The following PAG1 variants were observed in gnomAD, a reference collection of about 807,000 sequenced individuals.
The protein encoded by PAG1 is phosphoprotein membrane anchor with glycosphingolipid microdomains 1.
Under a neutral mutation model 31.7 loss-of-function variants are expected in PAG1, and 23 were observed. The ratio of observed to expected loss-of-function variants is 0.73; its 90% CI spans 0.52 to 1.03. The LOEUF is 1.03. PAG1 is among the 50% of genes least tolerant of loss of function. PAG1 has a pLI of 0.00. For missense variants in PAG1, 473 were observed against 540.7 expected (o/e 0.87, Z 1.24); for synonymous variants, 214 against 210.3 (o/e 1.02, Z -0.15).
intron 2 of PAG1, among the ~76,000 whole-genome samples, chr8:81,055,408 T>C (rs1194961686): frequency 6.6e-6 from 1 of 152,186 alleles, no homozygotes; most frequent in Admixed American, 6.5e-5. Context: ...TCATTTTTTT[T>C]TGAAAAATTA....
At chr8:81,070,914 T>A (rs572899921) in intron 1 of PAG1, among the ~76,000 whole-genome samples, 1 of 152,128 alleles carries the variant, frequency 6.6e-6, no homozygotes, top group Non-Finnish European at 1.5e-5. Flanking sequence ...ATATGCTAAG[T>A]GGAAGTAAAA....
intron 2 of PAG1, among the ~76,000 whole-genome samples, chr8:81,067,931 T>C (rs994914216): frequency 3.3e-5 from 5 of 152,196 alleles, no homozygotes; most frequent in African/African-American, 1.2e-4. Context: ...CTGTGTTCTC[T>C]TTGCTTGTGT....
At chr8:81,107,591 C>A (rs982210369) in intron 1 of PAG1, among the ~76,000 whole-genome samples, 42 of 152,124 alleles carry the variant, frequency 2.8e-4, no homozygotes, top group Admixed American at 1.8e-3. Context: ...TAAAGTACTA[C>A]CACACAAGGT....
chr8:81,018,551 G>A (rs979378603), intron 3 of PAG1, among the ~76,000 whole-genome samples: 1 of 152,172 alleles, frequency 6.6e-6, no homozygotes, highest in Non-Finnish European at 1.5e-5. Context: ...TGAATCATAG[G>A]GGCAGGTCTT....
In PAG1 at chr8:80,970,273, T is replaced by TA. The variant is rs1024467064; in HGVS notation, c.*6270dup. ...ACAGGCACATGCCACCATGCCTGGC[T>TA]AATTTTTTTTGCATTTTTAGTAGAG... is the stretch of plus-strand genomic sequence containing the variant. On this transcript the variant is annotated 3_prime_UTR_variant, in exon 9 of 9. Transcript: ENST00000220597. The TA allele has an allele frequency of 8.7e-6, 1 of 115,134 alleles. No individual in the cohort carries two copies. The highest frequency in any genetic ancestry group is 2.1e-5 in the Non-Finnish European group (1 of 47,730). The allele number at this position is 115,134 out of a possible 1,614,324, so 7.1% of individuals were successfully genotyped here.
intron 3 of PAG1, among the ~76,000 whole-genome samples, chr8:80,999,769 C>T (rs1028309525): frequency 6.6e-6 from 1 of 152,208 alleles, no homozygotes; most frequent in Admixed American, 6.5e-5. Flanking sequence ...TTTATAAACA[C>T]TTTTGCCCCA....
chr8:81,053,048 G>T (rs912721387), intron 2 of PAG1, among the ~76,000 whole-genome samples: 1 of 152,086 alleles, frequency 6.6e-6, no homozygotes, highest in East Asian at 1.9e-4. Flanking sequence ...TAGCATAATT[G>T]TAATTGTAAA....
intron 2 of PAG1, among the ~76,000 whole-genome samples, chr8:81,038,732 C>T (rs966779915): frequency 6.6e-6 from 1 of 152,144 alleles, no homozygotes; most frequent in African/African-American, 2.4e-5. Flanking sequence ...ATGCTGCTTG[C>T]AGATACCACA....
At chr8:81,102,025 G>A (rs1479885541) in intron 1 of PAG1, among the ~76,000 whole-genome samples, 1 of 152,086 alleles carries the variant, frequency 6.6e-6, no homozygotes, top group African/African-American at 2.4e-5. Flanking sequence ...CACCTGAACA[G>A]AACACTAACT....
At chr8:81,093,560 G>A (rs1008732415) in intron 1 of PAG1, among the ~76,000 whole-genome samples, 1 of 151,720 alleles carries the variant, frequency 6.6e-6, no homozygotes, top group Non-Finnish European at 1.5e-5. Flanking sequence ...CACAAATGTA[G>A]GCACAGACAA....
rs1297288667 is a variant in PAG1 at position 81,112,061 on chromosome 8, C to CGGAGAATGACAGGCGCCGA, written c.-705_-704insTCGGCGCCTGTCATTCTCC. 6.6e-6 allele frequency: 1 copy of CGGAGAATGACAGGCGCCGA among 152,068 alleles called. No individual in the cohort carries two copies. The highest frequency in any genetic ancestry group is 1.5e-5 in the Non-Finnish European group (1 of 68,008). The allele number at this position is 152,068 out of a possible 1,614,324, so 9.4% of individuals were successfully genotyped here. A position where few individuals can be genotyped will look rare whatever the true frequency, so the allele number is the denominator to read the frequency against. On this transcript the variant is annotated 5_prime_UTR_variant, in exon 1 of 9. Coordinates refer to ENST00000220597, the MANE Select transcript of PAG1 (RefSeq NM_018440.4). ...GCAGCCAGCACTCGCCGCCGCGCCG[C>CGGAGAATGACAGGCGCCGA]GGAGAATGACAGGCGCCGAGGCGGA...
In PAG1 at chr8:80,969,577, A is replaced by C. The variant is rs1807033737; in HGVS notation, c.*6967T>G. ...TGACAACAAGATAGTTCTGAACTGT[A>C]GGCTCTAGGGAGCAACTGGTCCTTC... On this transcript the variant is annotated 3_prime_UTR_variant, in exon 9 of 9. Coordinates refer to ENST00000220597, the MANE Select transcript of PAG1 (RefSeq NM_018440.4). The C allele has an allele frequency of 6.6e-6, 1 of 152,272 alleles. No individual in the cohort carries two copies. Among genetic ancestry groups the C allele is most frequent in the Non-Finnish European group, 1.5e-5 (1 of 68,058 alleles). 9.4% of individuals were successfully genotyped at this position (152,272 alleles called of 1,614,324 possible).
At chr8:81,091,406 C>T (rs936638059) in intron 1 of PAG1, among the ~76,000 whole-genome samples, 2 of 152,182 alleles carry the variant, frequency 1.3e-5, no homozygotes, top group African/African-American at 4.8e-5. Flanking sequence ...GACGGGGATA[C>T]ATCCTGAGAA....
chr8:81,099,569 A>C (rs1227588701), intron 1 of PAG1, among the ~76,000 whole-genome samples: 1 of 152,242 alleles, frequency 6.6e-6, no homozygotes, highest in South Asian at 2.1e-4. Flanking sequence ...ATCTTGAAAA[A>C]GAAGATAGAA....
intron 1 of PAG1, among the ~76,000 whole-genome samples, chr8:81,095,474 C>A (rs1401430460): frequency 6.6e-6 from 1 of 152,240 alleles, no homozygotes; most frequent in African/African-American, 2.4e-5. Flanking sequence ...TGCATATACT[C>A]TGTCCAGGGT....
intron 1 of PAG1, among the ~76,000 whole-genome samples, chr8:81,091,147 G>A (rs1012740902): frequency 1.3e-5 from 2 of 152,188 alleles, no homozygotes; most frequent in Non-Finnish European, 1.5e-5. Context: ...CATCAAGAGT[G>A]ATTTCCTGTT....
At position 80,993,100 on chromosome 8, in the gene PAG1, C is replaced by A; in HGVS notation, c.125+3G>T. On this transcript the variant is annotated splice_donor_region_variant and intron_variant, in intron 4 of 8. Coordinates refer to ENST00000220597, the MANE Select transcript of PAG1 (RefSeq NM_018440.4). Reference sequence around the variant, plus strand: ...GCACAGGTATATACACTCTGGTTCTCACCTGTCACAACTAGAGCACAGGAA... The same window carrying A: ...GCACAGGTATATACACTCTGGTTCTAACCTGTCACAACTAGAGCACAGGAA... The A allele has an allele frequency of 6.2e-7, 1 of 1,613,034 alleles. No homozygotes were observed. The highest frequency in any genetic ancestry group is 1.1e-5 in the South Asian group (1 of 90,728).
intron 1 of PAG1, among the ~76,000 whole-genome samples, chr8:81,077,605 G>A (rs929484230): frequency 6.6e-6 from 1 of 152,174 alleles, no homozygotes; most frequent in Non-Finnish European, 1.5e-5. Flanking sequence ...GAGAATGGCT[G>A]TACTTTTGTC....
chr8:81,099,628 G>A (rs979059337), intron 1 of PAG1, among the ~76,000 whole-genome samples: 3 of 152,202 alleles, frequency 2.0e-5, no homozygotes, highest in Non-Finnish European at 4.4e-5. Flanking sequence ...AATGTCCAGA[G>A]ATTTGCTAAA....
Sources: gnomAD v4.1 joint callset for allele counts (sites outside exome capture counted in the v4.1 genomes callset) on GRCh38, gnomAD v4.1.1 for gene constraint, MANE v1.5 for transcripts, NCBI Gene and HGNC (gene_info 2026-07-23, HGNC 2026-07-21) for gene names.